The following CSMD1 variants were observed in gnomAD, a reference collection of about 807,000 sequenced individuals.
The protein encoded by CSMD1 is CUB and Sushi multiple domains 1.
Under a neutral mutation model 417.5 loss-of-function variants are expected in CSMD1, and 213 were observed. The observed-to-expected ratio is 0.51, with a 90% CI of 0.46 to 0.57. The LOEUF is 0.57. Among genes scored for constraint, CSMD1 ranks in the 20% least tolerant of loss-of-function variants. CSMD1 has a pLI of 0.00. For missense variants in CSMD1, 6,923 were observed against 4,529.7 expected (o/e 1.53, Z -15.17); for synonymous variants, 2,862 against 1,736.8 (o/e 1.65, Z -16.11).
At chr8:4,575,211 T>C (rs1763671588) in intron 2 of CSMD1, among the ~76,000 whole-genome samples, 1 of 152,252 alleles carries the variant, frequency 6.6e-6, no homozygotes, top group African/African-American at 2.4e-5. Flanking sequence ...GTTACTATAA[T>C]TCTCCTAAAA....
intron 3 of CSMD1, among the ~76,000 whole-genome samples, chr8:4,103,286 T>C (rs1337227211): frequency 6.7e-6 from 1 of 149,024 alleles, no homozygotes; most frequent in Non-Finnish European, 1.5e-5. Flanking sequence ...ATACTGAAAG[T>C]ATGACGTGTG....
At chr8:4,367,848 G>C (rs181537042) in intron 3 of CSMD1, among the ~76,000 whole-genome samples, 2 of 151,918 alleles carry the variant, frequency 1.3e-5, no homozygotes, top group African/African-American at 4.8e-5. Context: ...TTCTTAATTC[G>C]GCTTTGAGCT....
chr8:4,217,992 A>G (rs2068242), intron 3 of CSMD1, among the ~76,000 whole-genome samples: 2 of 152,062 alleles, frequency 1.3e-5, no homozygotes. Context: ...AGTGAAGAAG[A>G]AATATCCAAC....
rs375801657 is a variant in CSMD1, at chr8:3,381,293, C to T, written c.2782+6201G>A. ...ATGAAAAAAAAAAGAGAGCAGCTTA[C>T]ACACACCCTATGTTAAAATTCTATT... On this transcript the variant is annotated intron_variant, in intron 18 of 69. Coordinates refer to ENST00000635120, the MANE Select transcript of CSMD1 (RefSeq NM_033225.6). 4.7e-4 allele frequency among the ~76,000 whole-genome samples: 71 copies of T among 152,008 alleles called. 2 individuals carry two copies. In the South Asian group the frequency reaches 0.015, roughly 31 times the overall value.
rs1585281481 is a variant in CSMD1, at chr8:4,895,623, C to G, written c.85+98709G>C. On this transcript the variant is annotated intron_variant, in intron 1 of 69. Coordinates refer to ENST00000635120, the MANE Select transcript of CSMD1 (RefSeq NM_033225.6). ...GGCTTCTTTTTATGATATGACTTTC[C>G]TACTCTGATGTTGTGGTTGGTCTGA... is the stretch of plus-strand genomic sequence containing the variant. Among the ~76,000 whole-genome samples the G allele has an allele frequency of 3.3e-5, 5 of 151,678 alleles. No homozygotes were observed. The Middle Eastern group carries it at 0.01, about 314-fold the overall frequency.
intron 3 of CSMD1, among the ~76,000 whole-genome samples, chr8:4,175,223 G>A (rs886228825): frequency 2.0e-5 from 3 of 152,052 alleles, no homozygotes; most frequent in Non-Finnish European, 2.9e-5. Context: ...TCACTAAGGT[G>A]ATCTCACAAT....
chr8:4,678,565 T>C (rs938942156), intron 1 of CSMD1, among the ~76,000 whole-genome samples: 4 of 152,230 alleles, frequency 2.6e-5, no homozygotes, highest in African/African-American at 7.2e-5. Flanking sequence ...TGATGGAATC[T>C]AACATTATAT....
rs146497239 is a variant in CSMD1, at chr8:4,285,589, G to A, written c.415+134364C>T. Among the ~76,000 whole-genome samples, 1,407 of 152,300 alleles carry A rather than the reference G, an allele frequency of 9.2e-3. 18 individuals carry two copies. The highest frequency in any genetic ancestry group is 0.032 in the African/African-American group (1,318 of 41,554). On this transcript the variant is annotated intron_variant, in intron 3 of 69. Coordinates refer to ENST00000635120, the MANE Select transcript of CSMD1 (RefSeq NM_033225.6). ...TTCGCTAATGCTGATTTTGGACCAG[G>A]CAGCTGGGAAATTTGATTTCCTGAG...
At chr8:3,255,098 C>T (rs1408300936) in intron 26 of CSMD1, among the ~76,000 whole-genome samples, 1 of 152,136 alleles carries the variant, frequency 6.6e-6, no homozygotes, top group Admixed American at 6.5e-5. Context: ...CAGTCAGGAC[C>T]CTCAGCTGCC....
chr8:3,662,984 A>C (rs1474506782), intron 7 of CSMD1, among the ~76,000 whole-genome samples: 1 of 152,126 alleles, frequency 6.6e-6, no homozygotes, highest in Non-Finnish European at 1.5e-5. Flanking sequence ...CTGCACAAGT[A>C]TCCCAGAACT....
At chr8:3,436,835 T>A (rs188648457) in intron 12 of CSMD1, among the ~76,000 whole-genome samples, 1 of 152,200 alleles carries the variant, frequency 6.6e-6, no homozygotes, top group Non-Finnish European at 1.5e-5. Context: ...TTTGTCAGTA[T>A]GCTAATATGT....
At chr8:4,926,292 G>C (rs1472631702) in intron 1 of CSMD1, among the ~76,000 whole-genome samples, 4 of 151,956 alleles carry the variant, frequency 2.6e-5, no homozygotes, top group African/African-American at 4.8e-5. Flanking sequence ...ATTTTTTTTG[G>C]TTCTAACGAA....
intron 41 of CSMD1, among the ~76,000 whole-genome samples, chr8:3,141,949 C>T (rs1818520162): frequency 6.6e-6 from 1 of 152,050 alleles, no homozygotes; most frequent in Non-Finnish European, 1.5e-5. Flanking sequence ...AGGCGCCCGC[C>T]ACTATGCCCA....
At chr8:3,106,296 C>G (rs1037730604) in intron 46 of CSMD1, among the ~76,000 whole-genome samples, 1 of 151,534 alleles carries the variant, frequency 6.6e-6, no homozygotes, top group Non-Finnish European at 1.5e-5. Flanking sequence ...ACTCAGGAGG[C>G]TGAGGCAGGA....
intron 5 of CSMD1, among the ~76,000 whole-genome samples, chr8:3,846,046 C>T (rs949646888): frequency 6.6e-6 from 1 of 151,556 alleles, no homozygotes; most frequent in South Asian, 2.1e-4. Context: ...CCTAAGACTG[C>T]TTTACAGTTA....
chr8:4,802,084 T>C (rs12678702), intron 1 of CSMD1, among the ~76,000 whole-genome samples: 8,557 of 152,218 alleles, frequency 0.056, 410 homozygotes, highest in East Asian at 0.24. Context: ...TGATGACATA[T>C]AGAAAATATT....
At chr8:3,504,667 A>G (rs1796748839) in intron 10 of CSMD1, among the ~76,000 whole-genome samples, 1 of 152,218 alleles carries the variant, frequency 6.6e-6, no homozygotes, top group Non-Finnish European at 1.5e-5. Context: ...TTTATCTAAA[A>G]TGACCTCTTA....
chr8:3,773,093 C>T (rs772251169), intron 5 of CSMD1, among the ~76,000 whole-genome samples: 1 of 152,150 alleles, frequency 6.6e-6, no homozygotes, highest in Non-Finnish European at 1.5e-5. Context: ...ACTAATCACA[C>T]TCACGAGGGC....
chr8:3,439,954 C>T (rs1307141502), intron 12 of CSMD1, among the ~76,000 whole-genome samples: 1 of 152,094 alleles, frequency 6.6e-6, no homozygotes, highest in African/African-American at 2.4e-5. Flanking sequence ...TACCAAAAAC[C>T]AGGAGGGCAT....
Sources: allele counts gnomAD v4.1 joint callset (sites outside exome capture counted in the v4.1 genomes callset), GRCh38; gene constraint gnomAD v4.1.1; transcripts MANE v1.5; gene names NCBI Gene and HGNC (gene_info 2026-07-23, HGNC 2026-07-21).